Variants in VPS13D observed in about 807,000 individuals in gnomAD.
VPS13D encodes intermembrane lipid transfer protein VPS13D.
A neutral mutation model predicts 461.9 loss-of-function variants in VPS13D; 187 were observed. The observed-to-expected ratio is 0.40, with a 90% CI of 0.36 to 0.46. The LOEUF (loss-of-function observed/expected upper bound fraction) is 0.46, where lower values mean the gene tolerates loss of function less well. VPS13D is among the 20% of genes least tolerant of loss of function. The pLI is 0.60. For synonymous variants in VPS13D, 1,951 were observed against 1,986.3 expected (o/e 0.98, Z 0.47); for missense variants, 4,711 against 5,364.9 (o/e 0.88, Z 3.81).
At chr1:12,490,905 G>C (rs1015994813) in intron 67 of VPS13D, among the ~76,000 whole-genome samples, 3 of 152,222 alleles carry the variant, frequency 2.0e-5, no homozygotes, top group African/African-American at 7.2e-5. Flanking sequence ...TGCAGACATT[G>C]TACTGCTGTG....
Position 12,287,600 on chromosome 1 carries a change from A to C in VPS13D, c.5635-623A>C, listed in dbSNP as rs531270183. Among the ~76,000 whole-genome samples the C allele has an allele frequency of 1.8e-4, 28 of 152,314 alleles. No homozygotes were observed. In the South Asian group the frequency reaches 5.8e-3, roughly 32 times the overall value. On this transcript the variant is annotated intron_variant, in intron 21 of 69. Coordinates refer to ENST00000620676, the MANE Select transcript of VPS13D (RefSeq NM_015378.4). ...AAGCAAAAAAGGTTGTTGGGAACTG[A>C]CTCAACAAATCCTAGACATATAAGA...
intron 25 of VPS13D, among the ~76,000 whole-genome samples, chr1:12,302,538 A>G (rs939746673): frequency 6.6e-6 from 1 of 152,314 alleles, no homozygotes; most frequent in Admixed American, 6.5e-5. Context: ...TGTTTTAATG[A>G]AAAAAATTTC....
At chr1:12,465,741 A>G (rs1199529113) in intron 67 of VPS13D, among the ~76,000 whole-genome samples, 1 of 152,162 alleles carries the variant, frequency 6.6e-6, no homozygotes, top group Non-Finnish European at 1.5e-5. Flanking sequence ...CCCTTTTGTT[A>G]ACAATGTTTG....
At chr1:12,306,178 G>C (rs1325229082) in intron 26 of VPS13D, among the ~76,000 whole-genome samples, 1 of 152,014 alleles carries the variant, frequency 6.6e-6, no homozygotes, top group Non-Finnish European at 1.5e-5. Context: ...TAGAGATGGG[G>C]TTTCACCGTG....
intron 67 of VPS13D, among the ~76,000 whole-genome samples, chr1:12,486,979 G>T (rs1378100135): frequency 1.3e-5 from 2 of 151,990 alleles, no homozygotes; most frequent in East Asian, 3.9e-4. Flanking sequence ...CCATGGCTTG[G>T]GTTCAGAAGA....
chr1:12,385,395 T>C, intron 59 of VPS13D, 22 bp downstream of exon 59: 2 of 1,568,766 alleles, frequency 1.3e-6, no homozygotes, highest in Non-Finnish European at 1.7e-6. Context: ...ATATTGTGAA[T>C]TTATTTATTT....
chr1:12,254,638 C>T (rs1296844474), intron 7 of VPS13D, among the ~76,000 whole-genome samples: 1 of 150,494 alleles, frequency 6.6e-6, no homozygotes, highest in Admixed American at 6.6e-5. Context: ...ATTCTCCTGC[C>T]TCAGCCTCCC....
At position 12,488,871 on chromosome 1, in the gene VPS13D, A is replaced by G. The variant is rs1479885098; in HGVS notation, c.12663-8629A>G. 4.6e-5 allele frequency among the ~76,000 whole-genome samples: 7 copies of G among 152,322 alleles called. No homozygotes were observed. The East Asian group carries it at 9.6e-4, about 21-fold the overall frequency. ...TTTGATAATGGCTTGAGAGATTCCA[A>G]TAAGCACTACACTCTCTGACTCAGA... On this transcript the variant is annotated intron_variant, in intron 67 of 69. Coordinates refer to ENST00000620676, the MANE Select transcript of VPS13D (RefSeq NM_015378.4).
In VPS13D at chr1:12,355,888, ATCT is replaced by A; in HGVS notation, c.9680-6_9680-4del. The A allele has an allele frequency of 6.6e-7, 1 of 1,522,024 alleles. No homozygotes were observed. The highest frequency in any genetic ancestry group is 1.3e-5 in the South Asian group (1 of 78,572). The allele number at this position is 1,522,024 out of a possible 1,614,324, so 94.3% of individuals were successfully genotyped here. A position where few individuals can be genotyped will look rare whatever the true frequency, so the allele number is the denominator to read the frequency against. ...AGAACTCTGAAAGTTAATAGTTTGT[ATCT>A]TCTTTAGGGGTATCACTGGAGAATT... On this transcript the variant is annotated splice_region_variant and splice_polypyrimidine_tract_variant and intron_variant, in intron 47 of 69. Coordinates refer to ENST00000620676, the MANE Select transcript of VPS13D (RefSeq NM_015378.4).
chr1:12,441,812 C>CT lies in VPS13D; in HGVS notation c.12334-14185dup, dbSNP rs779679380. On this transcript the variant is annotated intron_variant, in intron 65 of 69. Transcript: ENST00000620676. The stretch of plus-strand genomic sequence containing the variant: ...CAAGATATCATTGGTCATCTAAAGT[C>CT]TATGTGGAAGGAATTAACTGAAATT... 6.6e-5 allele frequency among the ~76,000 whole-genome samples: 10 copies of CT among 152,274 alleles called. No individual in the cohort carries two copies. In the South Asian group the frequency reaches 2.1e-3, roughly 32 times the overall value.
At chr1:12,432,320 G>A (rs1343697406) in intron 65 of VPS13D, among the ~76,000 whole-genome samples, 1 of 151,948 alleles carries the variant, frequency 6.6e-6, no homozygotes, top group Non-Finnish European at 1.5e-5. Context: ...TTGAACCTGG[G>A]GAGGCGGAGG....
intron 22 of VPS13D, among the ~76,000 whole-genome samples, chr1:12,289,943 A>T (rs183635343): frequency 2.0e-5 from 3 of 149,312 alleles, no homozygotes; most frequent in East Asian, 3.9e-4. Context: ...CTCAAAAAAT[A>T]AAAAAAAAAA....
chr1:12,365,221 G>A (rs1253352888), intron 52 of VPS13D, among the ~76,000 whole-genome samples: 1 of 152,040 alleles, frequency 6.6e-6, no homozygotes, highest in African/African-American at 2.4e-5. Context: ...TCTTTTTCAA[G>A]GTTGTTTTCT....
intron 60 of VPS13D, among the ~76,000 whole-genome samples, chr1:12,399,198 ATTTTTTTTTTTT>A (rs887369242): frequency 4.4e-4 from 62 of 141,470 alleles, no homozygotes; most frequent in African/African-American, 1.6e-3. Context: ...CAAATAGTTG[ATTTTTTTTTTTT>A]TTTTGAGACG....
chr1:12,309,842 CCCTT>C lies in VPS13D; in HGVS notation c.6650+1203_6650+1206del, dbSNP rs763786026. 2.6e-4 allele frequency among the ~76,000 whole-genome samples: 40 copies of C among 151,612 alleles called. 3 individuals are homozygous for C. The highest frequency in any genetic ancestry group is 2.1e-3 in the Admixed American group (32 of 15,258). ...TGATTTGAATCTCTTTTTGGCCACT[CCCTT>C]CACAGTTCTTGGTTTGGGCAAGTCA... On this transcript the variant is annotated intron_variant, in intron 27 of 69. Transcript: ENST00000620676.
At chr1:12,344,723 C>T (rs1390086594) in intron 42 of VPS13D, 1 of 152,222 alleles carries the variant, frequency 6.6e-6, no homozygotes, top group Admixed American at 6.5e-5. Context: ...TCCTTGCCTC[C>T]CTCCCCGCTT....
At chr1:12,447,810 A>G (rs533617694) in intron 65 of VPS13D, among the ~76,000 whole-genome samples, 5 of 152,242 alleles carry the variant, frequency 3.3e-5, no homozygotes, top group Non-Finnish European at 7.3e-5. Context: ...GTGACTAGGA[A>G]GGAGATCATC....
chr1:12,394,942 A>G (rs779214524), intron 60 of VPS13D, among the ~76,000 whole-genome samples: 3 of 152,088 alleles, frequency 2.0e-5, no homozygotes, highest in Admixed American at 6.6e-5. Context: ...CATACCCTTA[A>G]TATCCATTCC....
rs1220915037 is a variant in VPS13D at position 12,268,731 on chromosome 1, T to G, written c.1827T>G (p.Phe609Leu). 6.2e-7 allele frequency: 1 copy of G among 1,613,654 alleles called. No homozygotes were observed. The highest frequency in any genetic ancestry group is 1.3e-5 in the African/African-American group (1 of 74,888). Residue 609 changes from phenylalanine to leucine, a missense_variant, in exon 16 of 70, where the codon TTT becomes TTG. Phe to Leu is a conservative substitution (Grantham distance 22, BLOSUM62 0). Transcript: ENST00000620676. ...YPAADPDGPV[F>L]EMLYERNPAH... ...CTGCAGATCCAGATGGCCCCGTTTTTGAGATGCTGTATGAGAGAAATCCGG... is the reference window on the plus strand; with the variant it reads ...CTGCAGATCCAGATGGCCCCGTTTTGGAGATGCTGTATGAGAGAAATCCGG...
Sources: allele counts gnomAD v4.1 joint callset (sites outside exome capture counted in the v4.1 genomes callset), GRCh38; gene constraint gnomAD v4.1.1; transcripts MANE v1.5; gene names NCBI Gene and HGNC (gene_info 2026-07-23, HGNC 2026-07-21).